The following FNDC3A variants were observed in gnomAD, a reference collection of about 807,000 sequenced individuals.
FNDC3A encodes fibronectin type-III domain-containing protein 3A.
FNDC3A carries 32 observed loss-of-function variants against 148.9 expected under a neutral mutation model. The ratio of observed to expected loss-of-function variants is 0.21; its 90% CI spans 0.16 to 0.29. The LOEUF is 0.29. Ranked by LOEUF, FNDC3A falls within the 10% of genes least tolerant of loss-of-function variation. FNDC3A has a pLI of 1.00. For missense variants in FNDC3A, 1,191 were observed against 1,452.8 expected, an observed-to-expected ratio of 0.82 and a Z score of 2.93; for synonymous variants, 472 against 473.6, an observed-to-expected ratio of 1.00 and a Z score of 0.04.
intron 4 of FNDC3A, among the ~76,000 whole-genome samples, chr13:49,130,376 A>C (rs796730181): frequency 2.6e-5 from 4 of 152,304 alleles, no homozygotes; most frequent in African/African-American, 9.6e-5. Context: ...AGAATTTTAC[A>C]TCCAAATTCT....
In FNDC3A at chr13:49,187,430, ACC is replaced by A. The variant is rs1885637497; in HGVS notation, c.1825+241_1825+242del. The A allele has an allele frequency of 8.1e-6, 9 of 1,104,710 alleles. No individual in the cohort carries two copies. The Admixed American group carries it at 1.5e-4, about 19-fold the overall frequency. The allele number at this position is 1,104,710 out of a possible 1,614,324, so 68.4% of individuals were successfully genotyped here. On this transcript the variant is annotated intron_variant, in intron 16 of 25. Transcript: ENST00000492622. ...AGTTTGATCCACTTCCAGAGGCTGT[ACC>A]TCTTAAAATGCTCTTCATATCTGTT... is the stretch of plus-strand genomic sequence containing the variant.
At chr13:49,058,001 T>G (rs1367105156) in intron 2 of FNDC3A, among the ~76,000 whole-genome samples, 1 of 152,062 alleles carries the variant, frequency 6.6e-6, no homozygotes, top group Non-Finnish European at 1.5e-5. Flanking sequence ...GTTTAGAGAT[T>G]AGATCTCTAA....
intron 4 of FNDC3A, 81 bp from the exon 5 acceptor site, chr13:49,131,056 G>A (rs1280136789): frequency 2.2e-5 from 24 of 1,105,012 alleles, no homozygotes; most frequent in African/African-American, 6.2e-5. Context: ...ATGAGCTACC[G>A]TGCCTACCCT....
chr13:49,031,171 GAGGTC>G (rs982754256), intron 2 of FNDC3A, among the ~76,000 whole-genome samples: 12 of 152,176 alleles, frequency 7.9e-5, no homozygotes, highest in Admixed American at 6.5e-5. Flanking sequence ...CAGATCACTT[GAGGTC>G]AGAAGTTTGA....
chr13:48,979,687 A>G (rs919445194), intron 1 of FNDC3A, among the ~76,000 whole-genome samples: 3 of 152,192 alleles, frequency 2.0e-5, no homozygotes, highest in Non-Finnish European at 4.4e-5. Flanking sequence ...AGCTTTATGT[A>G]TAATGGATAG....
chr13:49,077,107 G>T (rs975676062), intron 3 of FNDC3A, among the ~76,000 whole-genome samples: 1 of 152,154 alleles, frequency 6.6e-6, no homozygotes, highest in Admixed American at 6.6e-5. Flanking sequence ...ACAAGACCCT[G>T]TCTCTACAAA....
intron 2 of FNDC3A, among the ~76,000 whole-genome samples, chr13:49,010,948 GA>G (rs1283511793): frequency 6.6e-6 from 1 of 152,118 alleles, no homozygotes; most frequent in African/African-American, 2.4e-5. Context: ...TTGTTTTAAA[GA>G]TTCCTCCTTA....
At chr13:49,121,313 A>T (rs544949959) in intron 4 of FNDC3A, among the ~76,000 whole-genome samples, 1 of 152,336 alleles carries the variant, frequency 6.6e-6, no homozygotes, top group Non-Finnish European at 1.5e-5. Flanking sequence ...CAAAGACACA[A>T]CATACCGGAA....
chr13:49,190,679 A>G (rs2138105976), intron 17 of FNDC3A, among the ~76,000 whole-genome samples: 1 of 152,366 alleles, frequency 6.6e-6, no homozygotes, highest in Non-Finnish European at 1.5e-5. Context: ...GGAGAAGATC[A>G]AAAATATTGC....
chr13:49,153,148 G>A (rs903703128), intron 8 of FNDC3A, among the ~76,000 whole-genome samples: 14 of 151,990 alleles, frequency 9.2e-5, no homozygotes, highest in African/African-American at 3.2e-4. Flanking sequence ...ATGTAAAAGT[G>A]TTCCTATTTC....
chr13:49,038,304 G>GGT (rs1368435734), intron 2 of FNDC3A, among the ~76,000 whole-genome samples: 1 of 152,128 alleles, frequency 6.6e-6, no homozygotes, highest in East Asian at 1.9e-4. Flanking sequence ...CAGGCTTGAG[G>GGT]GTGGGGCCTT....
intron 4 of FNDC3A, among the ~76,000 whole-genome samples, chr13:49,129,520 C>T (rs998697250): frequency 6.6e-6 from 1 of 152,180 alleles, no homozygotes; most frequent in African/African-American, 2.4e-5. Flanking sequence ...CCATTTCAAA[C>T]TTCTTCCAGT....
chr13:49,047,480 A>T (rs114292929), intron 2 of FNDC3A, among the ~76,000 whole-genome samples: 2 of 152,048 alleles, frequency 1.3e-5, no homozygotes, highest in African/African-American at 4.8e-5. Context: ...TTTTTTTGTT[A>T]TGGCCATTCT....
At position 48,990,423 on chromosome 13, in the gene FNDC3A, A is replaced by C. The variant is rs563424551; in HGVS notation, c.-40+14246A>C. Among the ~76,000 whole-genome samples, 11 of 152,022 alleles carry C rather than the reference A, an allele frequency of 7.2e-5. No individual in the cohort carries two copies. The East Asian group carries it at 1.9e-3, about 27-fold the overall frequency. ...GGATTTAAAAAAAATTATTATTTGA[A>C]TATCTTTAAAAGACAAATGACTGTT... On this transcript the variant is annotated intron_variant, in intron 1 of 25. Transcript: ENST00000492622.
chr13:49,103,608 T>A (rs908145355), intron 3 of FNDC3A, among the ~76,000 whole-genome samples: 7 of 152,222 alleles, frequency 4.6e-5, no homozygotes, highest in Non-Finnish European at 1.0e-4. Flanking sequence ...AATACTGGAA[T>A]AGTTCTAGAA....
chr13:49,150,712 C>T (rs542712595), intron 8 of FNDC3A, among the ~76,000 whole-genome samples: 25 of 152,036 alleles, frequency 1.6e-4, no homozygotes, highest in Middle Eastern at 3.4e-3. Context: ...TTTGGGAAGC[C>T]GAGGTGGGCA....
intron 2 of FNDC3A, among the ~76,000 whole-genome samples, chr13:49,055,389 G>A (rs907349132): frequency 1.3e-5 from 2 of 151,870 alleles, no homozygotes; most frequent in African/African-American, 4.8e-5. Flanking sequence ...GCACTCCAAA[G>A]TTAACCTGCA....
chr13:49,118,464 T>A (rs973193963), intron 4 of FNDC3A, among the ~76,000 whole-genome samples: 4 of 152,254 alleles, frequency 2.6e-5, no homozygotes, highest in Admixed American at 2.6e-4. Flanking sequence ...GCAAGAGCTT[T>A]TTTTCATATT....
At chr13:49,206,999 A>G in intron 25 of FNDC3A, 82 bp from the exon 26 acceptor site, 2 of 979,716 alleles carry the variant, frequency 2.0e-6, no homozygotes, top group Non-Finnish European at 1.5e-6. Flanking sequence ...CACATGAAAA[A>G]CAATTCTAAC....
Sources: gnomAD v4.1 joint callset for allele counts (sites outside exome capture counted in the v4.1 genomes callset) on GRCh38, gnomAD v4.1.1 for gene constraint, MANE v1.5 for transcripts, NCBI Gene and HGNC (gene_info 2026-07-23, HGNC 2026-07-21) for gene names.